Variants in COL4A2 observed in about 807,000 individuals in gnomAD.
The protein encoded by COL4A2 is collagen alpha-2(IV) chain.
In COL4A2, 99 loss-of-function variants were observed where a neutral mutation model predicts 200.2. The ratio of observed to expected loss-of-function variants is 0.49; its 90% CI spans 0.42 to 0.58. COL4A2 has a LOEUF of 0.58. Among genes scored for constraint, COL4A2 ranks in the 20% least tolerant of loss-of-function variants. The pLI, the probability that COL4A2 is intolerant of heterozygous loss-of-function variation, is 0.00. For missense variants in COL4A2, 1,950 were observed against 2,314.1 expected, an observed-to-expected ratio of 0.84 and a Z score of 3.23; for synonymous variants, 897 against 900.6, an observed-to-expected ratio of 1.00 and a Z score of 0.07.
At chr13:110,377,365 C>G in intron 4 of COL4A2, among the ~76,000 whole-genome samples, 1 of 152,170 alleles carries the variant, frequency 6.6e-6, no homozygotes, top group East Asian at 1.9e-4. Context: ...GGTGAGCCTA[C>G]CCCTCACTCC....
intron 7 of COL4A2, 70 bp from the exon 8 acceptor site, chr13:110,429,815 C>T: frequency 6.8e-7 from 1 of 1,477,946 alleles, no homozygotes; most frequent in Non-Finnish European, 9.4e-7. Context: ...ATCCACATTA[C>T]CATAGCTGCA....
At chr13:110,441,387 C>G (rs1453916436) in intron 16 of COL4A2, among the ~76,000 whole-genome samples, 4 of 152,184 alleles carry the variant, frequency 2.6e-5, no homozygotes, top group Non-Finnish European at 4.4e-5. Context: ...CTGCTTTTGA[C>G]CATTCAAACT....
At chr13:110,323,562 G>A (rs912004888) in intron 3 of COL4A2, among the ~76,000 whole-genome samples, 3 of 152,252 alleles carry the variant, frequency 2.0e-5, no homozygotes, top group Non-Finnish European at 2.9e-5. Flanking sequence ...GACAGACAGA[G>A]CATGCAGGAT....
intron 20 of COL4A2, among the ~76,000 whole-genome samples, chr13:110,450,686 C>T (rs1443347255): frequency 6.6e-6 from 1 of 152,122 alleles, no homozygotes; most frequent in Admixed American, 6.5e-5. Context: ...GTATCACAGC[C>T]CCGTGGATGC....
At chr13:110,481,666 A>AT in intron 31 of COL4A2, among the ~76,000 whole-genome samples, 177 of 68,784 alleles carry the variant, frequency 2.6e-3, no homozygotes, top group Non-Finnish European at 3.4e-3. Flanking sequence ...CTGGAGACAC[A>AT]CAGTTCTGTC....
chr13:110,433,220 G>A (rs1338096711), intron 11 of COL4A2, among the ~76,000 whole-genome samples: 2 of 152,356 alleles, frequency 1.3e-5, no homozygotes, highest in East Asian at 1.9e-4. Context: ...GAGGGCTTGC[G>A]CTGGACGCCC....
At position 110,506,622 on chromosome 13, in the gene COL4A2, C is replaced by T. The variant is rs200159369; in HGVS notation, c.4594+16C>T. On this transcript the variant is annotated intron_variant, in intron 46 of 47. Transcript: ENST00000360467. ...CAGGACCTGGGTAGGTACCTCCCAC[C>T]CGGCCCCCGTTGCCTGCTCAGGGCT... The T allele has an allele frequency of 5.7e-6, 9 of 1,590,082 alleles. No homozygotes were observed. In the African/African-American group the frequency reaches 1.1e-4, roughly 19 times the overall value.
At chr13:110,493,919 C>T (rs1883369846) in intron 39 of COL4A2, among the ~76,000 whole-genome samples, 1 of 152,108 alleles carries the variant, frequency 6.6e-6, no homozygotes, top group African/African-American at 2.4e-5. Context: ...ATCTTGGGGC[C>T]CCACCCTCAT....
chr13:110,345,538 C>T (rs1053696821), intron 3 of COL4A2, among the ~76,000 whole-genome samples: 1 of 152,110 alleles, frequency 6.6e-6, no homozygotes, highest in African/African-American at 2.4e-5. Flanking sequence ...ACACACCAGC[C>T]ACTCACCTGG....
rs564365873 is a variant in COL4A2 at position 110,314,045 on chromosome 13, G to A, written c.99+5922G>A. ...CCTGGTATCCTGGGGCGGGTCCTGG[G>A]ACAGAAAAGCTGCACTAGTGGAAAA... is the stretch of plus-strand genomic sequence containing the variant. On this transcript the variant is annotated intron_variant, in intron 3 of 47. Coordinates refer to ENST00000360467, the MANE Select transcript of COL4A2 (RefSeq NM_001846.4). Among the ~76,000 whole-genome samples, 54 of 152,372 alleles carry A rather than the reference G, an allele frequency of 3.5e-4. No individual in the cohort carries two copies. The East Asian group carries it at 0.01, about 29-fold the overall frequency.
At chr13:110,456,013 C>T (rs960394922) in intron 20 of COL4A2, among the ~76,000 whole-genome samples, 2 of 152,234 alleles carry the variant, frequency 1.3e-5, no homozygotes, top group Non-Finnish European at 2.9e-5. Flanking sequence ...GAGCCTGCCC[C>T]CAGCAGCAGC....
intron 22 of COL4A2, chr13:110,459,355 C>T (rs1881924108): frequency 1.2e-5 from 2 of 164,020 alleles, no homozygotes; most frequent in African/African-American, 2.4e-5. Context: ...TAAATCTATA[C>T]AGCATCTATA....
At chr13:110,388,222 C>T (rs985496457) in intron 4 of COL4A2, among the ~76,000 whole-genome samples, 2 of 152,164 alleles carry the variant, frequency 1.3e-5, no homozygotes, top group Admixed American at 6.5e-5. Flanking sequence ...CCCTCCAGGA[C>T]GGCGGCAAGC....
chr13:110,453,253 C>T (rs762357472), intron 20 of COL4A2, among the ~76,000 whole-genome samples: 16 of 152,068 alleles, frequency 1.1e-4, no homozygotes, highest in Non-Finnish European at 1.9e-4. Context: ...GTAATCCCAG[C>T]GCTTTGGGAA....
chr13:110,360,761 G>A (rs1481512299), intron 4 of COL4A2, among the ~76,000 whole-genome samples: 9 of 152,220 alleles, frequency 5.9e-5, no homozygotes, highest in African/African-American at 2.2e-4. Flanking sequence ...CTGAAGGGTT[G>A]TACAAAAGAC....
intron 3 of COL4A2, among the ~76,000 whole-genome samples, chr13:110,320,642 C>G (rs1289768743): frequency 1.3e-5 from 2 of 152,088 alleles, no homozygotes; most frequent in African/African-American, 2.4e-5. Flanking sequence ...AAGTCTAACT[C>G]TGAGGCCATC....
chr13:110,490,171 AG>A, intron 36 of COL4A2, among the ~76,000 whole-genome samples: 1 of 152,186 alleles, frequency 6.6e-6, no homozygotes, highest in East Asian at 1.9e-4. Context: ...GGTCCAGGAA[AG>A]GGGGAGTGGG....
intron 20 of COL4A2, 106 bp downstream of exon 20, chr13:110,450,560 A>G: frequency 1.5e-6 from 2 of 1,339,748 alleles, no homozygotes; most frequent in Non-Finnish European, 1.0e-6. Flanking sequence ...CTGGGAACGA[A>G]TCCAGTAGGC....
chr13:110,499,020 A>G (rs1460078960), intron 40 of COL4A2, among the ~76,000 whole-genome samples: 1 of 152,254 alleles, frequency 6.6e-6, no homozygotes, highest in East Asian at 1.9e-4. Context: ...GCCCAGTGCC[A>G]TTGGGCCTTG....
Sources: allele counts gnomAD v4.1 joint callset (sites outside exome capture counted in the v4.1 genomes callset), GRCh38; gene constraint gnomAD v4.1.1; transcripts MANE v1.5; gene names NCBI Gene and HGNC (gene_info 2026-07-23, HGNC 2026-07-21).